The following ZNF407 variants were observed in gnomAD, a reference collection of about 807,000 sequenced individuals.
The protein encoded by ZNF407 is zinc finger protein 407.
A neutral mutation model predicts 131.2 loss-of-function variants in ZNF407; 17 were observed. That is an observed-to-expected ratio of 0.13 (90% CI 0.09 to 0.19). The LOEUF is 0.19. Among genes scored for constraint, ZNF407 ranks in the 10% least tolerant of loss-of-function variants. The pLI is 1.00. For missense variants in ZNF407, 2,681 were observed against 2,830.6 expected (o/e 0.95, Z 1.20); for synonymous variants, 1,156 against 1,062.0 (o/e 1.09, Z -1.72).
intron 3 of ZNF407, among the ~76,000 whole-genome samples, chr18:74,765,447 A>AT (rs1169357945): frequency 6.6e-6 from 1 of 152,078 alleles, no homozygotes. Context: ...CATGAAAATG[A>AT]TTTTTTTGCT....
chr18:74,883,733 G>C (rs1055983208), intron 6 of ZNF407, among the ~76,000 whole-genome samples: 1 of 152,200 alleles, frequency 6.6e-6, no homozygotes, highest in Non-Finnish European at 1.5e-5. Context: ...CACACAAAGA[G>C]CACCGCACTA....
chr18:74,795,477 T>C (rs920411980), intron 4 of ZNF407, among the ~76,000 whole-genome samples: 1 of 152,198 alleles, frequency 6.6e-6, no homozygotes, highest in African/African-American at 2.4e-5. Context: ...ATTAGAAATA[T>C]TTTGAAATTA....
intron 7 of ZNF407, chr18:74,905,190 T>C (rs942664821): frequency 6.6e-6 from 1 of 152,254 alleles, no homozygotes; most frequent in African/African-American, 2.4e-5. Context: ...AAAATTCATT[T>C]TGAAAGTAAA....
chr18:74,784,090 G>A (rs373062900), intron 4 of ZNF407, among the ~76,000 whole-genome samples: 10 of 152,042 alleles, frequency 6.6e-5, no homozygotes, highest in Admixed American at 3.9e-4. Flanking sequence ...CAAACCCTTC[G>A]TCAGTATGCT....
intron 3 of ZNF407, among the ~76,000 whole-genome samples, chr18:74,738,392 C>T (rs1968468578): frequency 7.3e-6 from 1 of 137,590 alleles, no homozygotes; most frequent in Non-Finnish European, 1.5e-5. Context: ...TGCACTCCAG[C>T]CTGGACGACA....
intron 3 of ZNF407, among the ~76,000 whole-genome samples, chr18:74,748,388 GA>G (rs895126842): frequency 3.6e-4 from 55 of 151,472 alleles, no homozygotes; most frequent in African/African-American, 1.2e-3. Context: ...TTACTATTGA[GA>G]ACATGATTAT....
intron 3 of ZNF407, among the ~76,000 whole-genome samples, chr18:74,728,713 G>A (rs904380025): frequency 6.6e-6 from 1 of 152,166 alleles, no homozygotes; most frequent in Non-Finnish European, 1.5e-5. Context: ...TCTCTTAGAT[G>A]GTGGCGGAAG....
In ZNF407 at chr18:74,962,572, A is replaced by G. The variant is rs555660707; in HGVS notation, c.5428+41880A>G. ...CTCATTCCTCTTCATTCCTTCCCAC[A>G]TCCTGCGCCTCAGCCCTCTTGAACT... On this transcript the variant is annotated intron_variant, in intron 8 of 8. Transcript: ENST00000299687. Among the ~76,000 whole-genome samples the G allele has an allele frequency of 7.9e-5, 12 of 152,334 alleles. No individual in the cohort carries two copies. The East Asian group carries it at 1.3e-3, about 17-fold the overall frequency.
At chr18:74,660,245 A>AT (rs1170946392) in intron 3 of ZNF407, among the ~76,000 whole-genome samples, 1 of 152,022 alleles carries the variant, frequency 6.6e-6, no homozygotes, top group Non-Finnish European at 1.5e-5. Flanking sequence ...GTAAACATAG[A>AT]TTTTTTTTAT....
chr18:74,624,370 AACT>A (rs1483009120), intron 1 of ZNF407, among the ~76,000 whole-genome samples: 65 of 152,276 alleles, frequency 4.3e-4, no homozygotes, highest in African/African-American at 1.5e-3. Flanking sequence ...TTTCCCAGTG[AACT>A]AAAAACAACT....
In ZNF407 at chr18:74,703,908, A is replaced by G. The variant is rs550022764; in HGVS notation, c.4802+62786A>G. Among the ~76,000 whole-genome samples the G allele has an allele frequency of 1.3e-5, 2 of 152,272 alleles. No homozygotes were observed. Among genetic ancestry groups the G allele is most frequent in the South Asian group, 4.1e-4 (2 of 4,822 alleles). On this transcript the variant is annotated intron_variant, in intron 3 of 8. Coordinates refer to ENST00000299687, the MANE Select transcript of ZNF407 (RefSeq NM_017757.3). This position sits in a 1 kb window ranked among gnomAD's most constrained non-coding sequence, Gnocchi z 4.1. The stretch of plus-strand genomic sequence containing the variant: ...TTTGTGCAATTTCTTTACATCATCA[A>G]AATTATTATAATATTTTTGTTGGAC...
chr18:74,911,655 C>T (rs961302848), intron 7 of ZNF407, among the ~76,000 whole-genome samples: 1 of 152,124 alleles, frequency 6.6e-6, no homozygotes, highest in Non-Finnish European at 1.5e-5. Flanking sequence ...GTTCTTTTAG[C>T]CTCCCCCTTC....
chr18:74,982,372 G>T (rs1484278794), intron 8 of ZNF407, among the ~76,000 whole-genome samples: 1 of 152,102 alleles, frequency 6.6e-6, no homozygotes, highest in East Asian at 1.9e-4. Context: ...TTGAATCTTT[G>T]CTTTATATGA....
intron 8 of ZNF407, among the ~76,000 whole-genome samples, chr18:74,945,870 C>G (rs951995953): frequency 6.6e-5 from 10 of 152,126 alleles, no homozygotes; most frequent in African/African-American, 2.4e-4. Flanking sequence ...TCAGTACAAC[C>G]TGGTTTTTGC....
chr18:74,909,846 G>C lies in ZNF407; in HGVS notation c.5250-10668G>C, dbSNP rs1971645661. Among the ~76,000 whole-genome samples, 4 of 152,188 alleles carry C rather than the reference G, an allele frequency of 2.6e-5. No homozygotes were observed. In the South Asian group the frequency reaches 8.3e-4, roughly 32 times the overall value. ...CAAGTCTATCTATGTTTGACTTTATGATTTCAGCTTTTATTATACTTAGTA... is the reference window on the plus strand; with the variant it reads ...CAAGTCTATCTATGTTTGACTTTATCATTTCAGCTTTTATTATACTTAGTA... On this transcript the variant is annotated intron_variant, in intron 7 of 8. Transcript: ENST00000299687.
chr18:74,742,063 T>G (rs1968562987), intron 3 of ZNF407, among the ~76,000 whole-genome samples: 1 of 152,204 alleles, frequency 6.6e-6, no homozygotes. Context: ...CACTTCTTCA[T>G]GTATTAATAT....
intron 8 of ZNF407, among the ~76,000 whole-genome samples, chr18:74,991,995 G>C (rs1045005398): frequency 7.9e-5 from 12 of 152,218 alleles, no homozygotes; most frequent in Admixed American, 5.2e-4. Context: ...CAGGAAAGCT[G>C]AAAGGATATC....
chr18:74,840,895 C>A (rs1017944980), intron 4 of ZNF407, among the ~76,000 whole-genome samples: 1 of 152,214 alleles, frequency 6.6e-6, no homozygotes, highest in Non-Finnish European at 1.5e-5. Flanking sequence ...TCCGTCTTCC[C>A]TCATGGGATC....
chr18:74,842,883 A>G (rs1253900746), intron 4 of ZNF407, among the ~76,000 whole-genome samples: 2 of 151,886 alleles, frequency 1.3e-5, no homozygotes, highest in African/African-American at 2.4e-5. Flanking sequence ...CGCCCAGCTA[A>G]TTTTTGTATT....
Sources: gnomAD v4.1 joint callset for allele counts (sites outside exome capture counted in the v4.1 genomes callset) on GRCh38, gnomAD v4.1.1 for gene constraint, Gnocchi (gnomAD v3.1) non-coding constraint, MANE v1.5 for transcripts, NCBI Gene and HGNC (gene_info 2026-07-23, HGNC 2026-07-21) for gene names.